Variants in COMMD10 observed in about 807,000 individuals in gnomAD.
COMMD10 encodes COMM domain-containing protein 10.
In COMMD10, 33 loss-of-function variants were observed where a neutral mutation model predicts 28.9. That is an observed-to-expected ratio of 1.14 (90% CI 0.87 to 1.53). The LOEUF (loss-of-function observed/expected upper bound fraction) is 1.53, where lower values mean the gene tolerates loss of function less well. Ranked by LOEUF, COMMD10 falls within the 40% of genes most tolerant of loss-of-function variation. The pLI is 0.00. For missense variants in COMMD10, 310 were observed against 233.4 expected, an observed-to-expected ratio of 1.33 and a Z score of -2.14; for synonymous variants, 110 against 81.7, an observed-to-expected ratio of 1.35 and a Z score of -1.87.
intron 5 of COMMD10, among the ~76,000 whole-genome samples, chr5:116,154,224 A>G (rs916401629): frequency 6.6e-6 from 1 of 152,168 alleles, no homozygotes; most frequent in Non-Finnish European, 1.5e-5. Flanking sequence ...TCACTCAGAA[A>G]TGGAAAGAAG....
chr5:116,241,324 A>C (rs1158341626), intron 5 of COMMD10, among the ~76,000 whole-genome samples: 1 of 152,176 alleles, frequency 6.6e-6, no homozygotes, highest in Non-Finnish European at 1.5e-5. Context: ...CCTGGAGCAA[A>C]ATCAAAACAG....
intron 5 of COMMD10, among the ~76,000 whole-genome samples, chr5:116,271,713 C>G (rs1750762678): frequency 6.6e-6 from 1 of 151,870 alleles, no homozygotes; most frequent in Non-Finnish European, 1.5e-5. Flanking sequence ...GCAGCATAGT[C>G]CTTGGCTGCT....
chr5:116,118,832 G>T (rs1052819608), intron 4 of COMMD10, among the ~76,000 whole-genome samples: 1 of 152,110 alleles, frequency 6.6e-6, no homozygotes, highest in Non-Finnish European at 1.5e-5. Flanking sequence ...CCCTTAATCA[G>T]TCTTATTTGA....
chr5:116,121,139 C>A (rs563483972), intron 4 of COMMD10, among the ~76,000 whole-genome samples: 3 of 152,096 alleles, frequency 2.0e-5, no homozygotes, highest in South Asian at 4.1e-4. Context: ...CCCTGCCCCC[C>A]ACCACATGAC....
At chr5:116,206,203 AT>A (rs1748809506) in intron 5 of COMMD10, among the ~76,000 whole-genome samples, 2 of 152,184 alleles carry the variant, frequency 1.3e-5, no homozygotes, top group Admixed American at 1.3e-4. Context: ...CAAATTTATT[AT>A]GGATTTTAGG....
At chr5:116,114,470 A>G (rs1301812856) in intron 4 of COMMD10, among the ~76,000 whole-genome samples, 1 of 151,846 alleles carries the variant, frequency 6.6e-6, no homozygotes, top group Non-Finnish European at 1.5e-5. Flanking sequence ...CAACCGAGAG[A>G]GTAATGGCAG....
intron 2 of COMMD10, among the ~76,000 whole-genome samples, chr5:116,089,537 G>T (rs1458488216): frequency 2.0e-5 from 3 of 152,214 alleles, no homozygotes; most frequent in Non-Finnish European, 2.9e-5. Context: ...AGGGAGTGGA[G>T]AACTTGCACA....
intron 5 of COMMD10, among the ~76,000 whole-genome samples, chr5:116,222,563 GTTCT>G (rs1749289702): frequency 6.6e-6 from 1 of 152,132 alleles, no homozygotes; most frequent in Non-Finnish European, 1.5e-5. Flanking sequence ...GGAATTTAAT[GTTCT>G]TTTCAGGAAC....
At chr5:116,136,952 T>G (rs1016752615) in intron 5 of COMMD10, among the ~76,000 whole-genome samples, 2 of 152,138 alleles carry the variant, frequency 1.3e-5, no homozygotes, top group Non-Finnish European at 2.9e-5. Flanking sequence ...ATTTTGTGCC[T>G]GTGTCTTATA....
intron 5 of COMMD10, among the ~76,000 whole-genome samples, chr5:116,280,878 C>G (rs1258083165): frequency 1.3e-5 from 2 of 151,798 alleles, no homozygotes; most frequent in East Asian, 3.9e-4. Context: ...GTTTTATAAA[C>G]TCATTCAGTA....
chr5:116,191,031 T>C (rs1478516061), intron 5 of COMMD10, among the ~76,000 whole-genome samples: 1 of 152,226 alleles, frequency 6.6e-6, no homozygotes, highest in Non-Finnish European at 1.5e-5. Flanking sequence ...GTTTTGACAT[T>C]ATAACATTGT....
chr5:116,123,038 G>A (rs906219591), intron 4 of COMMD10, among the ~76,000 whole-genome samples: 1 of 152,108 alleles, frequency 6.6e-6, no homozygotes, highest in South Asian at 2.1e-4. Context: ...GTGAGAAAGG[G>A]CATCCCTGTC....
chr5:116,240,183 A>G (rs1749775552), intron 5 of COMMD10, among the ~76,000 whole-genome samples: 2 of 152,156 alleles, frequency 1.3e-5, no homozygotes, highest in Admixed American at 1.3e-4. Flanking sequence ...ATAAGAACAT[A>G]AGTGTAGACA....
rs753386973 is a variant in COMMD10 at position 116,231,155 on chromosome 5, C to G, written c.511-60362C>G. Reference sequence around the variant, plus strand: ...GTTCTAAAATAAGGTCAAGCTGATTCTACATCCTATTGGTGGTAGGTGTTA... The same window carrying G: ...GTTCTAAAATAAGGTCAAGCTGATTGTACATCCTATTGGTGGTAGGTGTTA... On this transcript the variant is annotated intron_variant, in intron 5 of 6. Coordinates refer to ENST00000274458, the MANE Select transcript of COMMD10 (RefSeq NM_016144.4). 2.0e-4 allele frequency among the ~76,000 whole-genome samples: 31 copies of G among 152,254 alleles called. 1 individual carries two copies. In the Middle Eastern group the frequency reaches 0.01, roughly 50 times the overall value.
chr5:116,166,326 C>G (rs961933414), intron 5 of COMMD10, among the ~76,000 whole-genome samples: 1 of 152,136 alleles, frequency 6.6e-6, no homozygotes, highest in Non-Finnish European at 1.5e-5. Context: ...AAGTATAAGA[C>G]TCTAAGTAGC....
At chr5:116,243,119 A>G (rs1749853314) in intron 5 of COMMD10, among the ~76,000 whole-genome samples, 1 of 152,206 alleles carries the variant, frequency 6.6e-6, no homozygotes, top group Non-Finnish European at 1.5e-5. Flanking sequence ...GAACAAATAG[A>G]CAACTTGTCA....
chr5:116,211,289 A>T (rs899344367), intron 5 of COMMD10, among the ~76,000 whole-genome samples: 9 of 152,186 alleles, frequency 5.9e-5, no homozygotes, highest in African/African-American at 2.2e-4. Context: ...ATACTTACAC[A>T]AACCTAGATG....
chr5:116,167,335 T>A (rs1026972963), intron 5 of COMMD10, among the ~76,000 whole-genome samples: 12 of 152,032 alleles, frequency 7.9e-5, no homozygotes, highest in Non-Finnish European at 1.8e-4. Context: ...CCAGGAAATA[T>A]GGGACTATGT....
At chr5:116,133,960 G>A in intron 4 of COMMD10, 108 bp from the exon 5 acceptor site, 1 of 647,836 alleles carries the variant, frequency 1.5e-6, no homozygotes, top group Non-Finnish European at 2.7e-6. Flanking sequence ...GACTTTCTGT[G>A]AAGCCTAGGC....
Sources: allele counts gnomAD v4.1 joint callset (sites outside exome capture counted in the v4.1 genomes callset), GRCh38; gene constraint gnomAD v4.1.1; transcripts MANE v1.5; gene names NCBI Gene and HGNC (gene_info 2026-07-23, HGNC 2026-07-21).